KCNAB1: variants seen among roughly 807,000 people sequenced by gnomAD.
KCNAB1 encodes voltage-gated potassium channel subunit beta-1.
Under a neutral mutation model 64.6 loss-of-function variants are expected in KCNAB1, and 35 were observed. The ratio of observed to expected loss-of-function variants is 0.54; its 90% confidence interval spans 0.41 to 0.72. The LOEUF (loss-of-function observed/expected upper bound fraction) is 0.72. KCNAB1 is among the 30% of genes least tolerant of loss of function. The probability of loss-of-function intolerance (pLI) is 0.00; values close to 1 mark genes in which losing one functional copy is unlikely to be tolerated. For synonymous variants in KCNAB1, 177 were observed against 183.8 expected (o/e 0.96, Z 0.30); for missense variants, 401 against 512.9 (o/e 0.78, Z 2.11).
At chr3:156,463,883 T>A in intron 6 of KCNAB1, 137 bp downstream of exon 6, 1 of 598,842 alleles carries the variant, frequency 1.7e-6, no homozygotes. Context: ...TGTTTTTTTC[T>A]CACACTAAGG....
intron 2 of KCNAB1, among the ~76,000 whole-genome samples, chr3:156,424,253 A>T (rs1715669441): frequency 6.6e-6 from 1 of 152,166 alleles, no homozygotes; most frequent in Non-Finnish European, 1.5e-5. Flanking sequence ...CAACTACAAC[A>T]TGAGGGTCCT....
At chr3:156,513,353 T>A (rs1041848559) in intron 8 of KCNAB1, among the ~76,000 whole-genome samples, 1 of 151,966 alleles carries the variant, frequency 6.6e-6, no homozygotes, top group Non-Finnish European at 1.5e-5. Context: ...ATAATAATAA[T>A]AAAAAAATAC....
At chr3:156,279,252 T>C (rs1719547855) in intron 1 of KCNAB1, among the ~76,000 whole-genome samples, 1 of 151,630 alleles carries the variant, frequency 6.6e-6, no homozygotes, top group South Asian at 2.1e-4. Context: ...TTACTGAGAA[T>C]GATGATTTCC....
At chr3:156,521,158 G>A (rs1717917077) in intron 11 of KCNAB1, among the ~76,000 whole-genome samples, 1 of 152,238 alleles carries the variant, frequency 6.6e-6, no homozygotes, top group Non-Finnish European at 1.5e-5. Flanking sequence ...TATTTAATGA[G>A]TATACCCAGA....
At chr3:156,173,945 G>A (rs1163166727) in intron 1 of KCNAB1, among the ~76,000 whole-genome samples, 3 of 152,170 alleles carry the variant, frequency 2.0e-5, no homozygotes, top group South Asian at 2.1e-4. Flanking sequence ...GAGCTGGGAC[G>A]TTGGCCTTCT....
intron 2 of KCNAB1, among the ~76,000 whole-genome samples, chr3:156,447,958 C>T (rs949563092): frequency 5.9e-5 from 9 of 152,112 alleles, no homozygotes; most frequent in South Asian, 2.1e-4. Flanking sequence ...TGAATGAGTA[C>T]GCAAGAAGTA....
At chr3:156,378,737 T>A (rs913629904) in intron 1 of KCNAB1, among the ~76,000 whole-genome samples, 1 of 152,132 alleles carries the variant, frequency 6.6e-6, no homozygotes, top group East Asian at 1.9e-4. Context: ...GAACCCAACA[T>A]AGTGCCTGGG....
chr3:156,509,874 T>C (rs1359962955), intron 8 of KCNAB1, among the ~76,000 whole-genome samples: 1 of 152,210 alleles, frequency 6.6e-6, no homozygotes, highest in Non-Finnish European at 1.5e-5. Context: ...AGACAGTTGA[T>C]TTTTCCTTTC....
chr3:156,131,304 G>A (rs9842620), intron 1 of KCNAB1, among the ~76,000 whole-genome samples: 92,901 of 152,064 alleles, frequency 0.61, 28,817 homozygotes, highest in Admixed American at 0.73. Context: ...GTGAAATGTC[G>A]TCAGATGTCA....
chr3:156,201,104 G>A (rs904408129), intron 1 of KCNAB1, among the ~76,000 whole-genome samples: 3 of 152,100 alleles, frequency 2.0e-5, no homozygotes, highest in Admixed American at 6.5e-5. Context: ...CAGGTGAGGC[G>A]ATGCCCCACC....
intron 1 of KCNAB1, among the ~76,000 whole-genome samples, chr3:156,284,156 C>A (rs1174065295): frequency 6.6e-6 from 1 of 152,056 alleles, no homozygotes; most frequent in Non-Finnish European, 1.5e-5. Context: ...GTGTGGGTGT[C>A]CTTTCTGTTT....
chr3:156,275,692 C>A (rs561450881), intron 1 of KCNAB1, among the ~76,000 whole-genome samples: 5 of 152,190 alleles, frequency 3.3e-5, no homozygotes, highest in Non-Finnish European at 7.3e-5. Flanking sequence ...AAACTACTTT[C>A]TTTGCTCATT....
intron 1 of KCNAB1, among the ~76,000 whole-genome samples, chr3:156,412,997 C>T (rs531952035): frequency 6.6e-6 from 1 of 152,300 alleles, no homozygotes; most frequent in East Asian, 1.9e-4. Flanking sequence ...GTCTAAAGTG[C>T]TGGAGTTACT....
intron 12 of KCNAB1, among the ~76,000 whole-genome samples, chr3:156,528,348 G>T (rs189955821): frequency 6.6e-6 from 1 of 152,284 alleles, no homozygotes; most frequent in East Asian, 1.9e-4. Context: ...TGTGCTTGGG[G>T]ACATCCATCA....
chr3:156,359,621 A>G (rs1725474981), intron 1 of KCNAB1, among the ~76,000 whole-genome samples: 2 of 152,348 alleles, frequency 1.3e-5, no homozygotes, highest in Admixed American at 6.5e-5. Flanking sequence ...TGATTTGCTT[A>G]TGTAATGCTG....
rs191239317 is a variant in KCNAB1, at chr3:156,204,908, T to C, written c.275+84022T>C. On this transcript the variant is annotated intron_variant, in intron 1 of 13. Coordinates refer to ENST00000490337, the MANE Select transcript of KCNAB1 (RefSeq NM_172160.3). ...AAGCTAAGTTGGGCAGCTAGGATGA[T>C]GGACTCGAATCAGATGTCAATTGAT... 2.0e-4 allele frequency among the ~76,000 whole-genome samples: 30 copies of C among 152,328 alleles called. No individual in the cohort carries two copies. In the East Asian group the frequency reaches 4.6e-3, roughly 23 times the overall value.
intron 1 of KCNAB1, chr3:156,176,718 C>T (rs1341327279): frequency 2.9e-5 from 28 of 955,512 alleles, no homozygotes; most frequent in Non-Finnish European, 4.3e-5. Flanking sequence ...CCCTTCATGT[C>T]CAGAGAGCAG....
chr3:156,412,110 A>G (rs1714711313), intron 1 of KCNAB1, among the ~76,000 whole-genome samples: 1 of 152,170 alleles, frequency 6.6e-6, no homozygotes, highest in South Asian at 2.1e-4. Context: ...TAATAAATTT[A>G]TAAACAAATA....
intron 2 of KCNAB1, among the ~76,000 whole-genome samples, chr3:156,451,947 T>A (rs77781950): frequency 0.011 from 1,632 of 152,320 alleles, 4 homozygotes; most frequent in Non-Finnish European, 0.018. Context: ...CTCCCTTTTA[T>A]CTGCCTTATG....
Sources: gnomAD v4.1 joint callset for allele counts (sites outside exome capture counted in the v4.1 genomes callset) on GRCh38, gnomAD v4.1.1 for gene constraint, MANE v1.5 for transcripts, NCBI Gene and HGNC (gene_info 2026-07-23, HGNC 2026-07-21) for gene names.